The following SDK1 variants were observed in gnomAD, a reference collection of about 807,000 sequenced individuals.
SDK1 encodes protein sidekick-1.
In SDK1, 157 loss-of-function variants were observed where a neutral mutation model predicts 245.5. The observed-to-expected ratio is 0.64, with a 90% CI of 0.56 to 0.73. The LOEUF (loss-of-function observed/expected upper bound fraction) is 0.73, where lower values mean the gene tolerates loss of function less well. SDK1 is among the 30% of genes least tolerant of loss of function. The pLI is 0.00. For missense variants in SDK1, 3,583 were observed against 3,002.3 expected (o/e 1.19, Z -4.52); for synonymous variants, 1,647 against 1,278.5 (o/e 1.29, Z -6.15).
At chr7:3,609,419 G>C (rs372246732) in intron 1 of SDK1, among the ~76,000 whole-genome samples, 1 of 151,886 alleles carries the variant, frequency 6.6e-6, no homozygotes, top group Non-Finnish European at 1.5e-5. Flanking sequence ...TTCTTTTTTT[G>C]AGACAGAGTC....
chr7:3,795,029 A>T (rs41881), intron 4 of SDK1, among the ~76,000 whole-genome samples: 3,254 of 152,204 alleles, frequency 0.021, 77 homozygotes, highest in African/African-American at 0.062. Context: ...TTGCAGATGT[A>T]GCTCCCTTTA....
At chr7:3,978,573 T>C (rs977357398) in intron 13 of SDK1, among the ~76,000 whole-genome samples, 12 of 152,146 alleles carry the variant, frequency 7.9e-5, no homozygotes, top group African/African-American at 1.9e-4. Flanking sequence ...CCTGGATGAA[T>C]TGGGAAAGGT....
intron 1 of SDK1, among the ~76,000 whole-genome samples, chr7:3,411,138 C>G (rs140659573): frequency 1.3e-5 from 2 of 152,136 alleles, no homozygotes; most frequent in African/African-American, 4.8e-5. Context: ...CTGCGGAAGA[C>G]CAAGAGGGAG....
rs889710433 is a variant in SDK1, at chr7:3,625,064, A to G, written c.458+5825A>G. On this transcript the variant is annotated intron_variant, in intron 2 of 44. Transcript: ENST00000404826. ...CAAAAATAAAAATTAAATTATATATATATTCAAATGAGTTCTCAAACCAAT... is the reference window on the plus strand; with the variant it reads ...CAAAAATAAAAATTAAATTATATATGTATTCAAATGAGTTCTCAAACCAAT... Among the ~76,000 whole-genome samples, 2 of 152,148 alleles carry G rather than the reference A, an allele frequency of 1.3e-5. 1 individual carries two copies. The highest frequency in any genetic ancestry group is 2.9e-5 in the Non-Finnish European group (2 of 68,036).
chr7:3,913,506 G>A (rs1779258424), intron 5 of SDK1, among the ~76,000 whole-genome samples: 1 of 151,932 alleles, frequency 6.6e-6, no homozygotes, highest in South Asian at 2.1e-4. Flanking sequence ...TGTTAGCCAG[G>A]ATGGTCTCGA....
At position 3,347,131 on chromosome 7, in the gene SDK1, C is replaced by T. The variant is rs531217673; in HGVS notation, c.298+45247C>T. Among the ~76,000 whole-genome samples, 7 of 151,906 alleles carry T rather than the reference C, an allele frequency of 4.6e-5. No individual in the cohort carries two copies. The East Asian group carries it at 1.2e-3, about 25-fold the overall frequency. On this transcript the variant is annotated intron_variant, in intron 1 of 44. Coordinates refer to ENST00000404826, the MANE Select transcript of SDK1 (RefSeq NM_152744.4). ...ATGCCATTCCCTCTGCTTGCTTTCA[C>T]TGCCTCTTGCATCCAGACGTTAGCC... is the stretch of plus-strand genomic sequence containing the variant.
At chr7:3,377,721 G>C (rs1226769307) in intron 1 of SDK1, among the ~76,000 whole-genome samples, 1 of 152,110 alleles carries the variant, frequency 6.6e-6, no homozygotes, top group Admixed American at 6.5e-5. Context: ...GGGGCTGTGT[G>C]TGGGGGTGCT....
intron 1 of SDK1, among the ~76,000 whole-genome samples, chr7:3,445,703 C>G (rs1780322177): frequency 6.6e-6 from 1 of 152,164 alleles, no homozygotes; most frequent in Non-Finnish European, 1.5e-5. Flanking sequence ...TTACCCCACA[C>G]TGTTTATAAC....
rs3823688 is a variant in SDK1, at chr7:4,268,135, C to G, written c.*2751C>G. On this transcript the variant is annotated 3_prime_UTR_variant, in exon 45 of 45. Coordinates refer to ENST00000404826, the MANE Select transcript of SDK1 (RefSeq NM_152744.4). ...CTCTCCTGCCGTGCTGAAAGTCATG[C>G]CTTGCGGATGCCTCATGACAGCAGT... 6,020 of 985,874 alleles carry G rather than the reference C, an allele frequency of 6.1e-3. 185 individuals carry two copies. The African/African-American group carries it at 0.076, about 12-fold the overall frequency. The allele number at this position is 985,874 out of a possible 1,614,324, so 61.1% of individuals were successfully genotyped here. A position where few individuals can be genotyped will look rare whatever the true frequency, so the allele number is the denominator to read the frequency against.
chr7:3,333,175 C>G (rs79421621), intron 1 of SDK1, among the ~76,000 whole-genome samples: 2 of 152,034 alleles, frequency 1.3e-5, no homozygotes, highest in African/African-American at 2.4e-5. Context: ...GTTGCTTTGT[C>G]GGGGGAGGGA....
intron 4 of SDK1, among the ~76,000 whole-genome samples, chr7:3,652,366 A>G (rs1227906991): frequency 1.3e-5 from 2 of 152,174 alleles, no homozygotes; most frequent in Non-Finnish European, 2.9e-5. Context: ...TGTGACCTGG[A>G]CATGCACAGA....
chr7:3,925,396 A>AGTGACGCATGCTTGG (rs1291888843), intron 5 of SDK1, among the ~76,000 whole-genome samples: 1 of 152,232 alleles, frequency 6.6e-6, no homozygotes, highest in East Asian at 1.9e-4. Context: ...AATCGCAGTC[A>AGTGACGCATGCTTGG]GTGACGCATG....
intron 22 of SDK1, among the ~76,000 whole-genome samples, chr7:4,089,529 G>A (rs1781657088): frequency 6.6e-6 from 1 of 152,198 alleles, no homozygotes; most frequent in South Asian, 2.1e-4. Context: ...AACGGGGCAA[G>A]CTTCCTGCCT....
chr7:3,664,095 C>T (rs184120080), intron 4 of SDK1, among the ~76,000 whole-genome samples: 1 of 152,194 alleles, frequency 6.6e-6, no homozygotes, highest in Admixed American at 6.5e-5. Context: ...TGTTGAAACA[C>T]ACCTGTTGGA....
chr7:4,085,230 A>T (rs796227324), intron 22 of SDK1, among the ~76,000 whole-genome samples: 1 of 152,220 alleles, frequency 6.6e-6, no homozygotes, highest in Non-Finnish European at 1.5e-5. Context: ...TTAAAACACA[A>T]ATACTATTAG....
intron 1 of SDK1, among the ~76,000 whole-genome samples, chr7:3,415,081 C>G (rs534582739): frequency 6.6e-6 from 1 of 152,254 alleles, no homozygotes; most frequent in African/African-American, 2.4e-5. Context: ...TTTGGTTATA[C>G]ACATAGGAGT....
chr7:4,019,757 G>T (rs1393726091), intron 17 of SDK1, among the ~76,000 whole-genome samples: 2 of 152,214 alleles, frequency 1.3e-5, no homozygotes, highest in South Asian at 2.1e-4. Context: ...CCCCTCATGG[G>T]TCTCGGAGGG....
At chr7:3,545,794 C>G (rs940128212) in intron 1 of SDK1, among the ~76,000 whole-genome samples, 1 of 151,944 alleles carries the variant, frequency 6.6e-6, no homozygotes, top group Non-Finnish European at 1.5e-5. Context: ...TGCTGTCAAG[C>G]GAAAGGGTAA....
intron 9 of SDK1, among the ~76,000 whole-genome samples, chr7:3,964,933 C>T (rs1182430785): frequency 6.6e-6 from 1 of 152,166 alleles, no homozygotes; most frequent in Admixed American, 6.5e-5. Context: ...ACCAATATTG[C>T]TTCAAGCAGT....
Sources: allele counts gnomAD v4.1 joint callset (sites outside exome capture counted in the v4.1 genomes callset), GRCh38; gene constraint gnomAD v4.1.1; transcripts MANE v1.5; gene names NCBI Gene and HGNC (gene_info 2026-07-23, HGNC 2026-07-21).